The following ATP1B3 variants were observed in gnomAD, a reference collection of about 807,000 sequenced individuals.
ATP1B3 encodes sodium/potassium-transporting ATPase subunit beta-3.
A neutral mutation model predicts 30.2 loss-of-function variants in ATP1B3; 10 were observed. That is an observed-to-expected ratio of 0.33 (90% CI 0.20 to 0.56). The LOEUF (loss-of-function observed/expected upper bound fraction) is 0.56. Ranked by LOEUF, ATP1B3 falls within the 20% of genes least tolerant of loss-of-function variation. The probability of loss-of-function intolerance (pLI) is 0.90; values close to 1 mark genes in which losing one functional copy is unlikely to be tolerated. For synonymous variants in ATP1B3, 113 were observed against 117.0 expected (o/e 0.97, Z 0.22); for missense variants, 238 against 336.7 (o/e 0.71, Z 2.29).
intron 1 of ATP1B3, 127 bp downstream of exon 1, chr3:141,877,037 C>A: frequency 1.6e-6 from 1 of 620,696 alleles, no homozygotes. Context: ...CGACCCTAAC[C>A]CGGGCGGCGG....
At position 141,888,493 on chromosome 3, in the gene ATP1B3, A is replaced by G. The variant is rs547947160; in HGVS notation, c.109+11583A>G. The stretch of plus-strand genomic sequence containing the variant: ...TTCACTTAATATGTTTTGGCTGTAT[A>G]TATAGGTTTGTGTCATTCCTTTTCA... On this transcript the variant is annotated intron_variant, in intron 1 of 6. Coordinates refer to ENST00000286371, the MANE Select transcript of ATP1B3 (RefSeq NM_001679.4). Among the ~76,000 whole-genome samples, 322 of 152,150 alleles carry G rather than the reference A, an allele frequency of 2.1e-3. 1 individual carries two copies. In the South Asian group the frequency reaches 0.021, roughly 10 times the overall value.
intron 3 of ATP1B3, among the ~76,000 whole-genome samples, chr3:141,909,709 G>T (rs1248710959): frequency 2.0e-5 from 3 of 152,228 alleles, no homozygotes; most frequent in Non-Finnish European, 4.4e-5. Context: ...AGGAGATCCA[G>T]ACTGTAGGTC....
chr3:141,887,020 C>T (rs1046262927), intron 1 of ATP1B3, among the ~76,000 whole-genome samples: 1 of 152,080 alleles, frequency 6.6e-6, no homozygotes, highest in Non-Finnish European at 1.5e-5. Context: ...AGAAAAAAGA[C>T]ATTGTATGAG....
At chr3:141,922,339 G>A (rs563535671) in intron 6 of ATP1B3, among the ~76,000 whole-genome samples, 3 of 152,244 alleles carry the variant, frequency 2.0e-5, no homozygotes, top group Admixed American at 2.0e-4. Context: ...CTTATGTAGA[G>A]AAAGTAGAAA....
intron 3 of ATP1B3, among the ~76,000 whole-genome samples, chr3:141,909,218 G>A (rs191893401): frequency 6.6e-6 from 1 of 152,214 alleles, no homozygotes; most frequent in Non-Finnish European, 1.5e-5. Flanking sequence ...TATTATCCGT[G>A]GTTTAATAGC....
intron 1 of ATP1B3, among the ~76,000 whole-genome samples, chr3:141,880,273 T>C (rs970958169): frequency 6.6e-6 from 1 of 152,248 alleles, no homozygotes; most frequent in African/African-American, 2.4e-5. Context: ...TGTATTTGGC[T>C]AATATCTTAC....
intron 1 of ATP1B3, among the ~76,000 whole-genome samples, chr3:141,878,848 A>G (rs1223698351): frequency 3.3e-5 from 5 of 152,196 alleles, no homozygotes; most frequent in Admixed American, 2.0e-4. Flanking sequence ...TCCTGTCCCA[A>G]TGTAAGGGTA....
At position 141,910,778 on chromosome 3, in the gene ATP1B3, C is replaced by A. The variant is rs563167152; in HGVS notation, c.347-2874C>A. Among the ~76,000 whole-genome samples, 9 of 148,300 alleles carry A rather than the reference C, an allele frequency of 6.1e-5. No homozygotes were observed. The South Asian group carries it at 2.0e-3, about 32-fold the overall frequency. Reference sequence around the variant, plus strand: ...ACTGTTTCTTGGCTCTTGCCCTGCCCCCCCCTTTTTTTTAATTATTTTTAT... The same window carrying A: ...ACTGTTTCTTGGCTCTTGCCCTGCCACCCCCTTTTTTTTAATTATTTTTAT... On this transcript the variant is annotated intron_variant, in intron 3 of 6. Transcript: ENST00000286371.
At chr3:141,923,985 C>T (rs534521397) in intron 6 of ATP1B3, among the ~76,000 whole-genome samples, 3 of 152,100 alleles carry the variant, frequency 2.0e-5, no homozygotes, top group Non-Finnish European at 4.4e-5. Context: ...GTGGTATGAG[C>T]GAGGTTTCTA....
chr3:141,908,068 C>CTTTTTTTTTTT (rs56374653), intron 3 of ATP1B3, among the ~76,000 whole-genome samples: 584 of 108,760 alleles, frequency 5.4e-3, no homozygotes, highest in East Asian at 8.6e-3. Context: ...GCCAGGCATT[C>CTTTTTTTTTTT]TTTTTTTTTT....
At chr3:141,887,318 A>G (rs1280988190) in intron 1 of ATP1B3, among the ~76,000 whole-genome samples, 2 of 152,222 alleles carry the variant, frequency 1.3e-5, no homozygotes, top group Non-Finnish European at 2.9e-5. Flanking sequence ...CTGGTCTTAA[A>G]TGGGATGTGG....
At chr3:141,922,145 G>GACAA in intron 6 of ATP1B3, 82 bp downstream of exon 6, 1 of 779,660 alleles carries the variant, frequency 1.3e-6, no homozygotes, top group Non-Finnish European at 2.1e-6. Context: ...GTCTGGGGTA[G>GACAA]GTAGACGCCA....
intron 3 of ATP1B3, among the ~76,000 whole-genome samples, chr3:141,909,120 C>G (rs1185971387): frequency 1.3e-5 from 2 of 152,218 alleles, no homozygotes; most frequent in African/African-American, 4.8e-5. Context: ...TGCTTCTGAT[C>G]CCACATTATC....
In ATP1B3 at chr3:141,902,359, C is replaced by T. The variant is rs138217905; in HGVS notation, c.110-1261C>T. 4.6e-4 allele frequency: 266 copies of T among 576,354 alleles called. 1 individual carries two copies. Among genetic ancestry groups the T allele is most frequent in the African/African-American group, 4.4e-3 (230 of 51,952 alleles). 35.7% of individuals were successfully genotyped at this position (576,354 alleles called of 1,614,324 possible). A position where few individuals can be genotyped will look rare whatever the true frequency, so the allele number is the denominator to read the frequency against. On this transcript the variant is annotated intron_variant, in intron 1 of 6. Coordinates refer to ENST00000286371, the MANE Select transcript of ATP1B3 (RefSeq NM_001679.4). ...CAGTTGAGAAATAAAAGTTATCTAGCTTTCAGCACAATCTGTTTTGGGGTC... is the reference window on the plus strand; with the variant it reads ...CAGTTGAGAAATAAAAGTTATCTAGTTTTCAGCACAATCTGTTTTGGGGTC...
chr3:141,910,597 A>G (rs1934341184), intron 3 of ATP1B3, among the ~76,000 whole-genome samples: 1 of 151,914 alleles, frequency 6.6e-6, no homozygotes, highest in South Asian at 2.1e-4. Flanking sequence ...CCTTATTTGT[A>G]AACTATCATT....
intron 1 of ATP1B3, among the ~76,000 whole-genome samples, chr3:141,886,918 A>G (rs1175736031): frequency 6.6e-6 from 1 of 152,126 alleles, no homozygotes; most frequent in Non-Finnish European, 1.5e-5. Context: ...CTGGACAATC[A>G]CTTGAGCCTG....
intron 5 of ATP1B3, among the ~76,000 whole-genome samples, chr3:141,917,830 T>C (rs935529922): frequency 6.6e-6 from 1 of 151,252 alleles, no homozygotes; most frequent in Non-Finnish European, 1.5e-5. Flanking sequence ...TGCAGTGGCA[T>C]GATCTCGGCT....
At chr3:141,889,830 C>T (rs959512915) in intron 1 of ATP1B3, among the ~76,000 whole-genome samples, 4 of 137,468 alleles carry the variant, frequency 2.9e-5, no homozygotes, top group Admixed American at 7.5e-5. Context: ...TATACATATA[C>T]ATATATATAT....
At chr3:141,921,929 A>C in intron 5 of ATP1B3, 48 bp from the exon 6 acceptor site, 1 of 1,084,750 alleles carries the variant, frequency 9.2e-7, no homozygotes, top group Non-Finnish European at 1.3e-6. Flanking sequence ...TAGTTTTTAC[A>C]AATTCTTTTT....
Sources: gnomAD v4.1 joint callset for allele counts (sites outside exome capture counted in the v4.1 genomes callset) on GRCh38, gnomAD v4.1.1 for gene constraint, MANE v1.5 for transcripts, NCBI Gene and HGNC (gene_info 2026-07-23, HGNC 2026-07-21) for gene names.